The following PKD1L3 variants were observed in gnomAD, a reference collection of about 807,000 sequenced individuals.
The protein encoded by PKD1L3 is polycystin-1-like protein 3.
In PKD1L3, 239 loss-of-function variants were observed where a neutral mutation model predicts 184.1. The ratio of observed to expected loss-of-function variants is 1.30; its 90% CI spans 1.17 to 1.45. PKD1L3 has a LOEUF of 1.45. Ranked by LOEUF, PKD1L3 falls within the 40% of genes most tolerant of loss-of-function variation. The pLI is 0.00. For missense variants in PKD1L3, 2,660 were observed against 2,067.2 expected (o/e 1.29, Z -5.56); for synonymous variants, 996 against 778.8 (o/e 1.28, Z -4.64).
rs2038837224 is a variant in PKD1L3, at chr16:71,951,606, C to A, written c.3148G>T (p.Gly1050Cys). The change falls in exon 19 of 30, where the codon GGT (glycine) becomes TGT (cysteine). Residue 1050 changes from glycine (G) to cysteine (C), a missense_variant. Coordinates refer to ENST00000620267, the MANE Select transcript of PKD1L3 (RefSeq NM_181536.2). ...TCTCCCTGCTGATGACAGCCTTGAC[C>A]CTCCAAGTGAGATGATACGAGGCTG... ...LSSLVSSHLE[G>C]QGCHQQGERH... 2 of 1,551,734 alleles carry A rather than the reference C, an allele frequency of 1.3e-6. No homozygotes were observed. The highest frequency in any genetic ancestry group is 2.4e-5 in the South Asian group (2 of 84,046).
intron 1 of PKD1L3, among the ~76,000 whole-genome samples, chr16:71,998,997 C>T (rs1342588005): frequency 3.9e-5 from 6 of 152,018 alleles, no homozygotes; most frequent in African/African-American, 1.2e-4. Flanking sequence ...AAGGGCCGGG[C>T]GCGGTGGCTC....
chr16:71,969,692 G>A (rs368901134), intron 13 of PKD1L3, among the ~76,000 whole-genome samples, 183 bp downstream of exon 13: 1 of 118,982 alleles, frequency 8.4e-6, no homozygotes, highest in Non-Finnish European at 2.1e-5. Flanking sequence ...AAAAAATAGA[G>A]AGAAAAAGTT....
At chr16:71,949,653 TG>T in intron 21 of PKD1L3, 129 bp downstream of exon 21, 2 of 849,778 alleles carry the variant, frequency 2.4e-6, no homozygotes, top group Non-Finnish European at 3.6e-6. Flanking sequence ...ACACCCAGCC[TG>T]GTTTGCCTAT....
intron 22 of PKD1L3, among the ~76,000 whole-genome samples, chr16:71,946,299 AC>A (rs200850353): frequency 0.029 from 4,415 of 152,268 alleles, 120 homozygotes; most frequent in Non-Finnish European, 0.042. Context: ...TGTGCTGTGT[AC>A]CCCTCTGTGA....
intron 22 of PKD1L3, among the ~76,000 whole-genome samples, chr16:71,944,786 C>A (rs1177039356): frequency 6.7e-6 from 1 of 150,252 alleles, no homozygotes; most frequent in African/African-American, 2.4e-5. Context: ...GCAGTCTCCA[C>A]CTCCCAGATT....
intron 5 of PKD1L3, among the ~76,000 whole-genome samples, chr16:71,984,654 T>C (rs568648960): frequency 1.3e-5 from 2 of 151,694 alleles, no homozygotes; most frequent in African/African-American, 4.8e-5. Context: ...AGGTCAGGAG[T>C]TCAAGAGCAA....
At chr16:71,934,994 A>G (rs1284316522) in intron 26 of PKD1L3, among the ~76,000 whole-genome samples, 2 of 152,258 alleles carry the variant, frequency 1.3e-5, no homozygotes, top group East Asian at 1.9e-4. Flanking sequence ...CTCCCTTTGC[A>G]TTTAAAGGAT....
At position 71,929,651 on chromosome 16, in the gene PKD1L3, G is replaced by C; in HGVS notation, c.5086C>G (p.Leu1696Val). 6.4e-7 allele frequency: 1 copy of C among 1,551,672 alleles called. No individual in the cohort carries two copies. Among genetic ancestry groups the C allele is most frequent in the South Asian group, 1.2e-5 (1 of 84,018 alleles). The change falls in exon 30 of 30, where the codon CTA becomes GTA. Residue 1696 changes from leucine (L) to valine (V), a missense_variant. Coordinates refer to ENST00000620267, the MANE Select transcript of PKD1L3 (RefSeq NM_181536.2). ...CCTAACAAATTTGAGAGCTTCTGTAGCAGTGTATCTATTAGTGCAGCTTCT... is the reference window on the plus strand; with the variant it reads ...CCTAACAAATTTGAGAGCTTCTGTACCAGTGTATCTATTAGTGCAGCTTCT... Reference protein sequence around the residue: ...KKEAALIDTLLQKLSNLLGIS... With the variant: ...KKEAALIDTLVQKLSNLLGIS...
chr16:71,998,212 C>G, intron 2 of PKD1L3, 60 bp downstream of exon 2: 1 of 1,543,234 alleles, frequency 6.5e-7, no homozygotes, highest in Non-Finnish European at 8.8e-7. Flanking sequence ...ACATGCACTC[C>G]TTATTTAGAA....
At chr16:71,979,443 CAACAA>C (rs71391429) in intron 9 of PKD1L3, among the ~76,000 whole-genome samples, 60 of 150,096 alleles carry the variant, frequency 4.0e-4, no homozygotes, top group South Asian at 1.3e-3. Context: ...GACTCCATCT[CAACAA>C]AACAAAACAA....
intron 1 of PKD1L3, 128 bp from the exon 2 acceptor site, chr16:71,998,522 C>T (rs1379256825): frequency 6.4e-6 from 8 of 1,248,968 alleles, no homozygotes; most frequent in Middle Eastern, 2.9e-4. Flanking sequence ...GTGATCTTCA[C>T]TCACTGCAAT....
intron 15 of PKD1L3, among the ~76,000 whole-genome samples, chr16:71,966,670 G>C (rs28648793): frequency 0.051 from 7,787 of 152,146 alleles, 694 homozygotes; most frequent in African/African-American, 0.18. Context: ...GGCCTCAAGT[G>C]ATCTTCCTGC....
chr16:71,943,994 C>CTGTGTTATCAGTATG (rs1336332996), intron 23 of PKD1L3, 36 bp downstream of exon 23: 2 of 1,526,176 alleles, frequency 1.3e-6, no homozygotes, highest in Non-Finnish European at 1.8e-6. Context: ...GGAAAAGGTG[C>CTGTGTTATCAGTATG]TGTGTTATCA....
intron 16 of PKD1L3, 41 bp downstream of exon 16, chr16:71,963,164 A>C: frequency 6.7e-7 from 1 of 1,484,130 alleles, no homozygotes; most frequent in South Asian, 1.3e-5. Flanking sequence ...ATTAATAGTG[A>C]ACATCAATAT....
At chr16:71,935,141 G>A (rs1567487655) in intron 26 of PKD1L3, among the ~76,000 whole-genome samples, 1 of 152,192 alleles carries the variant, frequency 6.6e-6, no homozygotes, top group East Asian at 1.9e-4. Context: ...ACATACCTAA[G>A]CACTAATGAA....
chr16:71,930,254 C>G, intron 28 of PKD1L3, 71 bp from the exon 29 acceptor site: 1 of 1,406,054 alleles, frequency 7.1e-7, no homozygotes, highest in South Asian at 1.7e-5. Flanking sequence ...AAGCTATATG[C>G]TAGTGTTTGG....
In PKD1L3 at chr16:71,980,154, G is replaced by A; in HGVS notation, c.1144-20C>T. 1.3e-6 allele frequency: 2 copies of A among 1,549,984 alleles called. No individual in the cohort carries two copies. The highest frequency in any genetic ancestry group is 2.4e-5 in the South Asian group (2 of 83,886). On this transcript the variant is annotated intron_variant, in intron 7 of 29. Coordinates refer to ENST00000620267, the MANE Select transcript of PKD1L3 (RefSeq NM_181536.2). The stretch of plus-strand genomic sequence containing the variant: ...TTCTACCTGCATGGAAAGGAAAACA[G>A]TGTGTGACTTGTAAAACCTCAGTGT...
At chr16:71,988,197 AT>A (rs201009257) in intron 4 of PKD1L3, among the ~76,000 whole-genome samples, 4 of 150,702 alleles carry the variant, frequency 2.7e-5, no homozygotes, top group African/African-American at 7.3e-5. Flanking sequence ...TCATTTGTAA[AT>A]TTTTTTTTTG....
At chr16:71,951,243 T>TCTC (rs1383371193) in intron 19 of PKD1L3, among the ~76,000 whole-genome samples, 1 of 152,170 alleles carries the variant, frequency 6.6e-6, no homozygotes. Context: ...TTTCGCCATG[T>TCTC]TGGCTAGGCT....
Sources: allele counts gnomAD v4.1 joint callset (sites outside exome capture counted in the v4.1 genomes callset), GRCh38; gene constraint gnomAD v4.1.1; transcripts MANE v1.5; gene names NCBI Gene and HGNC (gene_info 2026-07-23, HGNC 2026-07-21).